Variants in IMPG2 observed in about 807,000 individuals in gnomAD.
The protein encoded by IMPG2 is IPM 200.
In IMPG2, 91 loss-of-function variants were observed where a neutral mutation model predicts 129.2. That is an observed-to-expected ratio of 0.70 (90% CI 0.59 to 0.84). IMPG2 has a LOEUF of 0.84. Ranked by LOEUF, IMPG2 falls within the 40% of genes least tolerant of loss-of-function variation. IMPG2 has a pLI of 0.00. For synonymous variants in IMPG2, 510 were observed against 517.7 expected, an observed-to-expected ratio of 0.99 and a Z score of 0.20; for missense variants, 1,430 against 1,461.7, an observed-to-expected ratio of 0.98 and a Z score of 0.35.
At chr3:101,256,102 G>A (rs1706596200) in intron 10 of IMPG2, among the ~76,000 whole-genome samples, 1 of 117,448 alleles carries the variant, frequency 8.5e-6, no homozygotes, top group South Asian at 2.7e-4. Context: ...AAGAAGGAAA[G>A]AAAGAAAGAA....
Position 101,311,431 on chromosome 3 carries a change from CA to C in IMPG2, c.335-7120del. 1.3e-5 allele frequency among the ~76,000 whole-genome samples: 2 copies of C among 151,878 alleles called. 1 individual carries two copies. The highest frequency in any genetic ancestry group is 4.2e-4 in the South Asian group (2 of 4,810). On this transcript the variant is annotated intron_variant, in intron 2 of 18. Coordinates refer to ENST00000193391, the MANE Select transcript of IMPG2 (RefSeq NM_016247.4). ...TGTATGCCTGTATGATAGCAATGAA[CA>C]ATCAAAAAATGAACATAAGAAAACA...
chr3:101,230,902 A>G, intron 16 of IMPG2, 55 bp downstream of exon 16: 2 of 1,530,364 alleles, frequency 1.3e-6, no homozygotes, highest in Non-Finnish European at 1.8e-6. Context: ...TAAGTACTAA[A>G]TAAATGTGTA....
At chr3:101,238,807 T>C (rs986210417) in intron 14 of IMPG2, among the ~76,000 whole-genome samples, 1 of 152,140 alleles carries the variant, frequency 6.6e-6, no homozygotes, top group African/African-American at 2.4e-5. Flanking sequence ...AGAAACTGCA[T>C]CTACTAACGG....
rs576444969 is a variant in IMPG2, at chr3:101,283,453, T to C, written c.534-6740A>G. On this transcript the variant is annotated intron_variant, in intron 4 of 18. Coordinates refer to ENST00000193391, the MANE Select transcript of IMPG2 (RefSeq NM_016247.4). Reference sequence around the variant, plus strand: ...TCAACAATTTTTAGGAAATAATATATCATGTTATAGTAGAACTAACTATAT... The same window carrying C: ...TCAACAATTTTTAGGAAATAATATACCATGTTATAGTAGAACTAACTATAT... Among the ~76,000 whole-genome samples the C allele has an allele frequency of 2.0e-5, 3 of 152,318 alleles. No homozygotes were observed. The South Asian group carries it at 6.2e-4, about 32-fold the overall frequency.
chr3:101,273,792 C>A, intron 6 of IMPG2, 50 bp from the exon 7 acceptor site: 1 of 1,533,852 alleles, frequency 6.5e-7, no homozygotes, highest in Non-Finnish European at 9.0e-7. Context: ...TTCATTCAAT[C>A]AACAAACATT....
chr3:101,287,215 T>A (rs1706956833), intron 4 of IMPG2, among the ~76,000 whole-genome samples: 1 of 152,116 alleles, frequency 6.6e-6, no homozygotes, highest in African/African-American at 2.4e-5. Context: ...TTGCAAAATT[T>A]ACAGTGTGGC....
At chr3:101,259,770 C>A (rs1706650329) in intron 9 of IMPG2, among the ~76,000 whole-genome samples, 1 of 151,786 alleles carries the variant, frequency 6.6e-6, no homozygotes, top group Admixed American at 6.6e-5. Flanking sequence ...GAAATAGATC[C>A]CTAGATTGGA....
intron 8 of IMPG2, among the ~76,000 whole-genome samples, chr3:101,268,647 A>G (rs1403482281): frequency 6.6e-6 from 1 of 152,126 alleles, no homozygotes; most frequent in Non-Finnish European, 1.5e-5. Flanking sequence ...AGCCTGGCAC[A>G]CTGTAAATGC....
At chr3:101,317,212 A>C (rs1371786619) in intron 2 of IMPG2, among the ~76,000 whole-genome samples, 1 of 152,114 alleles carries the variant, frequency 6.6e-6, no homozygotes. Flanking sequence ...GGTATACTTT[A>C]AATATATGCA....
Position 101,272,805 on chromosome 3 carries a change from AG to A in IMPG2, c.828+775del, listed in dbSNP as rs370036773. Among the ~76,000 whole-genome samples, 798 of 152,320 alleles carry A rather than the reference AG, an allele frequency of 5.2e-3. 6 individuals are homozygous for A. Among genetic ancestry groups the A allele is most frequent in the African/African-American group, 0.017 (698 of 41,568 alleles). ...GTATCTGGGGAAGAAAATTAATCTA[AG>A]GTAATGGAATTGATAAACTTGGCTA... On this transcript the variant is annotated intron_variant, in intron 7 of 18. Coordinates refer to ENST00000193391, the MANE Select transcript of IMPG2 (RefSeq NM_016247.4).
At chr3:101,273,321 C>G (rs573494776) in intron 7 of IMPG2, among the ~76,000 whole-genome samples, 1 of 152,160 alleles carries the variant, frequency 6.6e-6, no homozygotes, top group African/African-American at 2.4e-5. Flanking sequence ...TGCCACAGAA[C>G]ACATTCTTTC....
intron 14 of IMPG2, among the ~76,000 whole-genome samples, chr3:101,240,476 C>T (rs1385749695): frequency 2.0e-5 from 3 of 152,106 alleles, no homozygotes; most frequent in African/African-American, 7.2e-5. Flanking sequence ...TAAATCATAA[C>T]TGTTTGCATT....
Position 101,291,530 on chromosome 3 carries a change from A to T in IMPG2, c.502-20T>A, listed in dbSNP as rs2107126560. On this transcript the variant is annotated intron_variant, in intron 3 of 18. Coordinates refer to ENST00000193391, the MANE Select transcript of IMPG2 (RefSeq NM_016247.4). ...CAGTTTCTAAGGAAAACAAAGATATAAAAATGACTGAGTTAACAACAGTTA... is the reference window on the plus strand; with the variant it reads ...CAGTTTCTAAGGAAAACAAAGATATTAAAATGACTGAGTTAACAACAGTTA... The T allele has an allele frequency of 2.5e-6, 4 of 1,599,070 alleles. No homozygotes were observed. The highest frequency in any genetic ancestry group is 3.4e-6 in the Non-Finnish European group (4 of 1,166,578).
At chr3:101,314,307 G>A (rs563353491) in intron 2 of IMPG2, among the ~76,000 whole-genome samples, 7 of 152,166 alleles carry the variant, frequency 4.6e-5, no homozygotes, top group Admixed American at 4.6e-4. Flanking sequence ...TGGGACATAC[G>A]TACACTAAAA....
intron 3 of IMPG2, among the ~76,000 whole-genome samples, 198 bp from the exon 4 acceptor site, chr3:101,291,708 G>A (rs1707011213): frequency 6.6e-6 from 1 of 152,148 alleles, no homozygotes; most frequent in Admixed American, 6.5e-5. Flanking sequence ...CTGACATTCA[G>A]TCTCTGCTTA....
chr3:101,230,929 C>T, intron 16 of IMPG2, 28 bp downstream of exon 16: 2 of 1,588,274 alleles, frequency 1.3e-6, no homozygotes, highest in Non-Finnish European at 1.7e-6. Context: ...ACATTGTATT[C>T]CATTAGAGAG....
At chr3:101,303,035 C>G (rs1707154452) in intron 3 of IMPG2, among the ~76,000 whole-genome samples, 1 of 151,992 alleles carries the variant, frequency 6.6e-6, no homozygotes, top group Non-Finnish European at 1.5e-5. Context: ...ATTTTATTAC[C>G]TTTACGATAT....
intron 2 of IMPG2, among the ~76,000 whole-genome samples, chr3:101,307,063 T>A (rs1193156941): frequency 6.6e-6 from 1 of 152,152 alleles, no homozygotes; most frequent in Admixed American, 6.5e-5. Context: ...AACAACCTAA[T>A]TTTTACAATA....
rs1483281019 is a variant in IMPG2, at chr3:101,273,567, T to C, written c.828+14A>G. On this transcript the variant is annotated intron_variant, in intron 7 of 18. Transcript: ENST00000193391. ...AGGCATACTGCCTTGTTTGTTTTTT[T>C]TTTAATCACCCACCTCTGAAATAAA... 6.2e-7 allele frequency: 1 copy of C among 1,613,838 alleles called. No individual in the cohort carries two copies.
Sources: allele counts gnomAD v4.1 joint callset (sites outside exome capture counted in the v4.1 genomes callset), GRCh38; gene constraint gnomAD v4.1.1; transcripts MANE v1.5; gene names NCBI Gene and HGNC (gene_info 2026-07-23, HGNC 2026-07-21).